The following SAMD11 variants were observed in gnomAD, a reference collection of about 807,000 sequenced individuals.
SAMD11 encodes the protein sterile alpha motif domain-containing protein 11.
In SAMD11, 77 loss-of-function variants were observed where a neutral mutation model predicts 64.4. The observed-to-expected ratio is 1.20, with a 90% CI of 0.99 to 1.44. The LOEUF (loss-of-function observed/expected upper bound fraction) is 1.44. Ranked by LOEUF, SAMD11 falls within the 40% of genes most tolerant of loss-of-function variation. SAMD11 has a pLI of 0.00. For synonymous variants in SAMD11, 658 were observed against 421.9 expected (o/e 1.56, Z -6.86); for missense variants, 1,402 against 943.3 (o/e 1.49, Z -6.37).
chr1:936,423 G>A (rs542814997), intron 5 of SAMD11, among the ~76,000 whole-genome samples: 4 of 144,628 alleles, frequency 2.8e-5, no homozygotes, highest in Non-Finnish European at 4.4e-5. Flanking sequence ...GGACGGAGGG[G>A]GTCCCCGGTC....
chr1:939,924 T>TC (rs1166732611), intron 7 of SAMD11, among the ~76,000 whole-genome samples: 1 of 151,872 alleles, frequency 6.6e-6, no homozygotes, highest in Non-Finnish European at 1.5e-5. Flanking sequence ...GGCTGCCCCT[T>TC]CCCCCGGGTC....
intron 8 of SAMD11, 32 bp downstream of exon 8, chr1:941,338 T>G (rs1641754700): frequency 1.3e-6 from 2 of 1,502,900 alleles, no homozygotes; most frequent in South Asian, 1.3e-5. Flanking sequence ...TCTGCTTGTT[T>G]CTGGGGTGCC....
chr1:944,035 C>CGGCCACGTCCCCCTATGGAGGG lies in SAMD11; in HGVS notation c.2425_2446dup (p.Ala816ValfsTer95), dbSNP rs751719239. 1.2e-6 allele frequency: 2 copies of CGGCCACGTCCCCCTATGGAGGG among 1,612,876 alleles called. No individual in the cohort carries two copies. Among genetic ancestry groups the CGGCCACGTCCCCCTATGGAGGG allele is most frequent in the East Asian group, 2.2e-5 (1 of 44,866 alleles). On this transcript the variant is annotated frameshift_variant, in exon 14 of 14. Coordinates refer to ENST00000616016, the MANE Select transcript of SAMD11 (RefSeq NM_001385641.1). LOFTEE classifies it low-confidence loss of function (END_TRUNC). Reference sequence around the variant, plus strand: ...GGAGAGCAGCCCTTGTCCCCCACGACGGCCACGTCCCCCTATGGAGGGGGC... The same window carrying CGGCCACGTCCCCCTATGGAGGG: ...GGAGAGCAGCCCTTGTCCCCCACGACGGCCACGTCCCCCTATGGAGGGGGCCACGTCCCCCTATGGAGGGGGC...
At chr1:929,905 C>T (rs551541974) in intron 2 of SAMD11, among the ~76,000 whole-genome samples, 4 of 152,308 alleles carry the variant, frequency 2.6e-5, no homozygotes, top group Admixed American at 2.0e-4. Flanking sequence ...AACTGCGGCC[C>T]CGTCTCTCGG....
chr1:942,114 C>T (rs1641810707), intron 8 of SAMD11, 22 bp from the exon 9 acceptor site: 1 of 814,810 alleles, frequency 1.2e-6, no homozygotes, highest in Non-Finnish European at 1.8e-6. Context: ...GGGGACGCCG[C>T]TCATTGCGCT....
intron 8 of SAMD11, among the ~76,000 whole-genome samples, chr1:941,894 G>A (rs1361250574): frequency 1.3e-5 from 2 of 152,076 alleles, no homozygotes; most frequent in Admixed American, 6.5e-5. Flanking sequence ...CGGGGCCGGC[G>A]CCCCGCGCAG....
intron 7 of SAMD11, 40 bp downstream of exon 7, chr1:939,452 C>G: frequency 6.2e-7 from 1 of 1,600,198 alleles, no homozygotes; most frequent in Non-Finnish European, 8.5e-7. Flanking sequence ...CATCACCTCC[C>G]CAGCCACGGT....
chr1:933,020 C>T (rs879684499), intron 4 of SAMD11, among the ~76,000 whole-genome samples: 3 of 152,214 alleles, frequency 2.0e-5, no homozygotes, highest in Admixed American at 6.5e-5. Context: ...GCCTCCCCCT[C>T]CCCCTCTCCT....
In SAMD11 at chr1:941,220, C is replaced by T. The variant is rs747806829; in HGVS notation, c.1272C>T (p.Ser424=). ...GTGGCCTGGAAGCCCACCTGCCCTC[C>T]TCCACGGCAGGTCAGCGTCGGAAGC... ...GPSGLEAHLP[S]STAGQRRKQG... The change falls in exon 8 of 14, where the codon TCC becomes TCT. Residue 424 remains serine, a synonymous_variant. Transcript: ENST00000616016. 1.2e-6 allele frequency: 2 copies of T among 1,601,950 alleles called. No homozygotes were observed. The highest frequency in any genetic ancestry group is 1.1e-5 in the South Asian group (1 of 89,328).
Position 942,144 on chromosome 1 carries a change from C to G in SAMD11, c.1367C>G (p.Pro456Arg). 1 of 1,356,178 alleles carries G rather than the reference C, an allele frequency of 7.4e-7. No individual in the cohort carries two copies. The highest frequency in any genetic ancestry group is 9.8e-7 in the Non-Finnish European group (1 of 1,015,696). 84.0% of individuals were successfully genotyped at this position (1,356,178 alleles called of 1,614,324 possible). ...AAPSFSEREL[P>R]QPPPLLSPQN... ...TGCGCTGCCGTCCACAGGGAGCTGC[C>G]TCAGCCGCCCCCCTTGCTGTCGCCG... The change falls in exon 9 of 14, where the codon CCT (proline) becomes CGT (arginine). Residue 456 changes from proline to arginine, a missense_variant. Pro to Arg is a moderately radical substitution (Grantham distance 103, BLOSUM62 -2). Coordinates refer to ENST00000616016, the MANE Select transcript of SAMD11 (RefSeq NM_001385641.1).
At position 930,752 on chromosome 1, in the gene SAMD11, G is replaced by GCA. The variant is rs1641129888; in HGVS notation, c.792-285_792-284dup. On this transcript the variant is annotated intron_variant, in intron 3 of 13. Transcript: ENST00000616016. ...GTACAACAGGAGGGCTCCTCTGAGT[G>GCA]CACGGCAACAAGCAAGAGGGAGAAG... Among the ~76,000 whole-genome samples, 4 of 152,386 alleles carry GCA rather than the reference G, an allele frequency of 2.6e-5. 1 individual carries two copies. In the South Asian group the frequency reaches 8.3e-4, roughly 32 times the overall value.
chr1:939,018 G>A (rs763053351), intron 5 of SAMD11, 22 bp from the exon 6 acceptor site: 5 of 1,575,120 alleles, frequency 3.2e-6, no homozygotes, highest in South Asian at 2.3e-5. Context: ...GATGCAGGTG[G>A]GCACTCACTA....
At chr1:935,000 G>T (rs1035860709) in intron 4 of SAMD11, among the ~76,000 whole-genome samples, 2 of 151,986 alleles carry the variant, frequency 1.3e-5, no homozygotes, top group African/African-American at 2.4e-5. Context: ...GTGGCGCCTG[G>T]ACCCTGAGCC....
Position 942,508 on chromosome 1 carries a change from C to CG in SAMD11, c.1553+24dup. Reference sequence around the variant, plus strand: ...GGCCCGGTAGGTGCGGGGAGGCGGGCGGGGCCGCGCGGCCCGGGAGGCGGC... The same window carrying CG: ...GGCCCGGTAGGTGCGGGGAGGCGGGCGGGGGCCGCGCGGCCCGGGAGGCGGC... On this transcript the variant is annotated intron_variant, in intron 10 of 13. Coordinates refer to ENST00000616016, the MANE Select transcript of SAMD11 (RefSeq NM_001385641.1). 6.9e-7 allele frequency: 1 copy of CG among 1,445,916 alleles called. No individual in the cohort carries two copies. Among genetic ancestry groups the CG allele is most frequent in the Non-Finnish European group, 9.0e-7 (1 of 1,105,866 alleles). 89.6% of individuals were successfully genotyped at this position (1,445,916 alleles called of 1,614,324 possible). A position where few individuals can be genotyped will look rare whatever the true frequency, so the allele number is the denominator to read the frequency against.
At chr1:935,133 A>C (rs2100326999) in intron 4 of SAMD11, among the ~76,000 whole-genome samples, 1 of 152,190 alleles carries the variant, frequency 6.6e-6, no homozygotes, top group Middle Eastern at 3.4e-3. Flanking sequence ...AATTAGCAAG[A>C]AGAGGAGAAA....
intron 9 of SAMD11, 68 bp downstream of exon 9, chr1:942,319 C>G: frequency 9.4e-7 from 1 of 1,069,240 alleles, no homozygotes; most frequent in East Asian, 3.2e-5. Flanking sequence ...CTGCCCCTGT[C>G]GGAGCCGAGA....
chr1:930,093 C>T (rs1186152043), intron 2 of SAMD11, 62 bp from the exon 3 acceptor site: 47 of 1,501,982 alleles, frequency 3.1e-5, no homozygotes, highest in Non-Finnish European at 3.9e-5. Flanking sequence ...CCCCACCTTC[C>T]TCTCCTCCTG....
In SAMD11 at chr1:942,741, C is replaced by G; in HGVS notation, c.1736C>G (p.Pro579Arg). The G allele has an allele frequency of 1.3e-6, 2 of 1,483,420 alleles. No homozygotes were observed. The highest frequency in any genetic ancestry group is 2.7e-5 in the East Asian group (1 of 37,102). The allele number at this position is 1,483,420 out of a possible 1,614,324, so 91.9% of individuals were successfully genotyped here. The change falls in exon 11 of 14, where the codon CCG becomes CGG. Residue 579 changes from proline to arginine, a missense_variant. By Grantham distance (103) the Pro-to-Arg change is moderately radical. Coordinates refer to ENST00000616016, the MANE Select transcript of SAMD11 (RefSeq NM_001385641.1). ...CTGGCCCTGCCCCCCCAGGGGCCCC[C>G]GGGCTCCGGACCCCCCACCCCGTCC... ...PLLALPPQGP[P>R]GSGPPTPSRD...
intron 2 of SAMD11, 123 bp from the exon 3 acceptor site, chr1:930,032 T>C: frequency 8.5e-7 from 1 of 1,178,462 alleles, no homozygotes; most frequent in Non-Finnish European, 1.2e-6. Context: ...GGGCTCGGCC[T>C]GGGGTGCGAG....
Sources: allele counts gnomAD v4.1 joint callset (sites outside exome capture counted in the v4.1 genomes callset), GRCh38; gene constraint gnomAD v4.1.1; transcripts MANE v1.5; gene names NCBI Gene and HGNC (gene_info 2026-07-23, HGNC 2026-07-21).